BIRC6: variants seen among roughly 807,000 people sequenced by gnomAD.
BIRC6 encodes the protein baculoviral IAP repeat containing 6.
In BIRC6, 98 loss-of-function variants were observed where a neutral mutation model predicts 503.3. The observed-to-expected ratio is 0.19, with a 90% CI of 0.17 to 0.23. The LOEUF (loss-of-function observed/expected upper bound fraction) is 0.23, where lower values mean the gene tolerates loss of function less well. BIRC6 is among the 10% of genes least tolerant of loss of function. The pLI, the probability that BIRC6 is intolerant of heterozygous loss-of-function variation, is 1.00. For synonymous variants in BIRC6, 2,240 were observed against 2,078.7 expected, an observed-to-expected ratio of 1.08 and a Z score of -2.11; for missense variants, 5,360 against 5,806.0, an observed-to-expected ratio of 0.92 and a Z score of 2.50.
intron 65 of BIRC6, among the ~76,000 whole-genome samples, chr2:32,559,813 G>A (rs1414574145): frequency 6.6e-6 from 1 of 151,904 alleles, no homozygotes; most frequent in Non-Finnish European, 1.5e-5. Flanking sequence ...CTGAGTTCAA[G>A]GGTTTGCCTG....
At chr2:32,560,286 A>G (rs1312250201) in intron 65 of BIRC6, among the ~76,000 whole-genome samples, 1 of 152,212 alleles carries the variant, frequency 6.6e-6, no homozygotes, top group East Asian at 1.9e-4. Context: ...TTTTTGTAAA[A>G]TAAACACACA....
chr2:32,509,644 G>A (rs2054193881), intron 51 of BIRC6, 94 bp from the exon 52 acceptor site: 1 of 1,424,330 alleles, frequency 7.0e-7, no homozygotes, highest in African/African-American at 1.4e-5. Context: ...TGCTGTTTAT[G>A]AAACACAACA....
chr2:32,366,671 G>A (rs1046744288), intron 1 of BIRC6, among the ~76,000 whole-genome samples: 3 of 152,130 alleles, frequency 2.0e-5, no homozygotes, highest in Admixed American at 6.6e-5. Context: ...TGAAAAGGGT[G>A]CCTTTGGCAA....
intron 65 of BIRC6, among the ~76,000 whole-genome samples, chr2:32,550,592 G>A (rs1489848908): frequency 2.6e-5 from 4 of 151,878 alleles, no homozygotes; most frequent in African/African-American, 7.3e-5. Flanking sequence ...AATAGGGTGC[G>A]ATAGGTTTCT....
At chr2:32,501,960 C>T (rs1381811164) in intron 47 of BIRC6, 72 bp downstream of exon 47, 1 of 1,359,544 alleles carries the variant, frequency 7.4e-7, no homozygotes, top group African/African-American at 1.5e-5. Flanking sequence ...AATTACAGGA[C>T]AAAGATAAAT....
chr2:32,385,221 A>G (rs1400728187), intron 3 of BIRC6, among the ~76,000 whole-genome samples: 1 of 152,184 alleles, frequency 6.6e-6, no homozygotes, highest in Admixed American at 6.5e-5. Context: ...GGCCAAGAGT[A>G]TTTTCCCCTC....
At chr2:32,432,129 C>G (rs1245775048) in intron 12 of BIRC6, among the ~76,000 whole-genome samples, 1 of 151,792 alleles carries the variant, frequency 6.6e-6, no homozygotes, top group Non-Finnish European at 1.5e-5. Context: ...AAAGAGGTAG[C>G]TGGGTGCCAG....
Position 32,531,393 on chromosome 2 carries a change from G to T in BIRC6, c.12133G>T (p.Ala4045Ser), listed in dbSNP as rs1470665207. The T allele has an allele frequency of 1.9e-6, 3 of 1,613,446 alleles. No individual in the cohort carries two copies. The highest frequency in any genetic ancestry group is 2.5e-6 in the Non-Finnish European group (3 of 1,179,614). ...ACTTGCTAGCTGTCCAGAAGATGAG[G>T]CTCTCACTCCAGGTGATGAATGCAT... ...DLLASCPEDE[A>S]LTPGDECMDG... The change falls in exon 61 of 74, where the codon GCT becomes TCT. Residue 4045 changes from alanine (A) to serine (S), a missense_variant. Coordinates refer to ENST00000421745, the MANE Select transcript of BIRC6 (RefSeq NM_016252.4).
At chr2:32,578,941 A>C (rs1211204390) in intron 66 of BIRC6, among the ~76,000 whole-genome samples, 1 of 126,720 alleles carries the variant, frequency 7.9e-6, no homozygotes, top group African/African-American at 3.1e-5. Context: ...TTTTTTAAGT[A>C]AGAGAAATCG....
intron 15 of BIRC6, among the ~76,000 whole-genome samples, chr2:32,437,457 A>G (rs1171379906): frequency 6.6e-6 from 1 of 152,146 alleles, no homozygotes; most frequent in African/African-American, 2.4e-5. Context: ...TAACTGACCA[A>G]CTATATATCA....
Position 32,415,329 on chromosome 2 carries a change from T to C in BIRC6, c.2038T>C (p.Leu680=), listed in dbSNP as rs772117925. The part of the protein sequence containing the change: ...MELDSQEQLL[L]QDPPVTYIQQ... The stretch of plus-strand genomic sequence containing the variant: ...GCTGGATAGTCAGGAGCAGTTGTTA[T>C]TGCAGGATCCTCCTGTGACTTACAT... Residue 680 remains leucine (L), a synonymous_variant, in exon 10 of 74, where the codon TTG becomes CTG. Coordinates refer to ENST00000421745, the MANE Select transcript of BIRC6 (RefSeq NM_016252.4). The C allele has an allele frequency of 3.7e-6, 6 of 1,614,028 alleles. No homozygotes were observed. Among genetic ancestry groups the C allele is most frequent in the Non-Finnish European group, 3.4e-6 (4 of 1,179,890 alleles).
Position 32,502,908 on chromosome 2 carries a change from AT to A in BIRC6, c.9304+18del. On this transcript the variant is annotated intron_variant, in intron 48 of 73. Transcript: ENST00000421745. ...ATGATATGGGTAAGATAATATTTCA[AT>A]AACTATCATTTAAGTGTAGTTATGT... is the stretch of plus-strand genomic sequence containing the variant. 1 of 1,577,744 alleles carries A rather than the reference AT, an allele frequency of 6.3e-7. No homozygotes were observed. The highest frequency in any genetic ancestry group is 8.7e-7 in the Non-Finnish European group (1 of 1,155,728).
At chr2:32,457,309 A>T (rs1304285665) in intron 23 of BIRC6, among the ~76,000 whole-genome samples, 1 of 152,168 alleles carries the variant, frequency 6.6e-6, no homozygotes, top group Non-Finnish European at 1.5e-5. Flanking sequence ...GTTACATTTA[A>T]TGTGATTAGT....
chr2:32,512,943 T>C lies in BIRC6; in HGVS notation c.10357T>C (p.Leu3453=), dbSNP rs1188436512. The part of the protein sequence containing the change: ...DPGTKDRIQA[L]LKWVSDSARV... ...TTTTCTTCGTTTAAGAATTCAGGCC[T>C]TGTTAAAATGGGTTAGTGATTCTGC... is the stretch of plus-strand genomic sequence containing the variant. The change falls in exon 54 of 74, where the codon TTG becomes CTG. Residue 3453 remains leucine, a synonymous_variant. Coordinates refer to ENST00000421745, the MANE Select transcript of BIRC6 (RefSeq NM_016252.4). 6.2e-7 allele frequency: 1 copy of C among 1,613,888 alleles called. No individual in the cohort carries two copies. Among genetic ancestry groups the C allele is most frequent in the Non-Finnish European group, 8.5e-7 (1 of 1,179,826 alleles).
At chr2:32,422,559 T>C (rs533373730) in intron 10 of BIRC6, among the ~76,000 whole-genome samples, 6 of 152,208 alleles carry the variant, frequency 3.9e-5, no homozygotes, top group Non-Finnish European at 8.8e-5. Flanking sequence ...TCCCAAACTC[T>C]GCCCTTTTCC....
At chr2:32,544,040 C>T (rs1183667847) in intron 62 of BIRC6, among the ~76,000 whole-genome samples, 4 of 151,960 alleles carry the variant, frequency 2.6e-5, no homozygotes, top group African/African-American at 9.7e-5. Context: ...TGAGTTATCT[C>T]AGAAAATAAA....
chr2:32,489,749 T>C (rs894348857), intron 42 of BIRC6, among the ~76,000 whole-genome samples: 8 of 152,146 alleles, frequency 5.3e-5, no homozygotes, highest in African/African-American at 1.9e-4. Flanking sequence ...TTTTAGTAAA[T>C]TGTATTGAAG....
At chr2:32,552,243 CTTTAATG>C (rs1177816116) in intron 65 of BIRC6, among the ~76,000 whole-genome samples, 1 of 152,098 alleles carries the variant, frequency 6.6e-6, no homozygotes, top group African/African-American at 2.4e-5. Flanking sequence ...AATCTTTAAA[CTTTAATG>C]TTTAATGACT....
intron 66 of BIRC6, among the ~76,000 whole-genome samples, chr2:32,584,045 T>C (rs957773560): frequency 6.6e-6 from 1 of 152,100 alleles, no homozygotes; most frequent in Non-Finnish European, 1.5e-5. Flanking sequence ...AAATTTCACT[T>C]AGACCATTCT....
Sources: allele counts gnomAD v4.1 joint callset (sites outside exome capture counted in the v4.1 genomes callset), GRCh38; gene constraint gnomAD v4.1.1; transcripts MANE v1.5; gene names NCBI Gene and HGNC (gene_info 2026-07-23, HGNC 2026-07-21).